TXNDC11: variants seen among roughly 807,000 people sequenced by gnomAD.
The protein encoded by TXNDC11 is thioredoxin domain-containing protein 11.
In TXNDC11, 68 loss-of-function variants were observed where a neutral mutation model predicts 78.0. The observed-to-expected ratio is 0.87, with a 90% CI of 0.72 to 1.07. TXNDC11 has a LOEUF of 1.07. Among genes scored for constraint, TXNDC11 ranks in the 50% least tolerant of loss-of-function variants. The pLI is 0.00. For synonymous variants in TXNDC11, 571 were observed against 495.2 expected (o/e 1.15, Z -2.03); for missense variants, 1,389 against 1,221.8 (o/e 1.14, Z -2.04).
intron 5 of TXNDC11, among the ~76,000 whole-genome samples, chr16:11,709,283 G>T (rs893330734): frequency 7.9e-6 from 1 of 126,950 alleles, no homozygotes; most frequent in African/African-American, 2.9e-5. Flanking sequence ...ACAGAGTCTC[G>T]CACTGTCGCC....
At chr16:11,736,782 T>C (rs1284665421) in intron 1 of TXNDC11, among the ~76,000 whole-genome samples, 2 of 152,206 alleles carry the variant, frequency 1.3e-5, no homozygotes, top group Admixed American at 6.5e-5. Context: ...TCCAGATATA[T>C]ATCATAATCC....
At chr16:11,716,405 T>C (rs1196887232) in intron 5 of TXNDC11, among the ~76,000 whole-genome samples, 3 of 152,256 alleles carry the variant, frequency 2.0e-5, no homozygotes, top group Non-Finnish European at 2.9e-5. Flanking sequence ...AATTTTCTTT[T>C]GGCAATAAAG....
chr16:11,732,707 C>G (rs1437985625), intron 3 of TXNDC11, among the ~76,000 whole-genome samples: 1 of 152,050 alleles, frequency 6.6e-6, no homozygotes, highest in South Asian at 2.1e-4. Flanking sequence ...TGTTTTTGCC[C>G]AAATACTACC....
intron 9 of TXNDC11, 43 bp from the exon 10 acceptor site, chr16:11,688,009 G>C: frequency 2.8e-6 from 4 of 1,409,422 alleles, no homozygotes; most frequent in Non-Finnish European, 4.0e-6. Context: ...CCGGGAAATG[G>C]GCTCTTCTTC....
At chr16:11,683,368 C>T (rs16958548) in intron 11 of TXNDC11, among the ~76,000 whole-genome samples, 2,923 of 152,246 alleles carry the variant, frequency 0.019, 100 homozygotes, top group African/African-American at 0.067. Context: ...GAGAAAACCC[C>T]TTTGTAGGCC....
intron 5 of TXNDC11, among the ~76,000 whole-genome samples, chr16:11,702,361 T>G (rs749290678): frequency 6.6e-6 from 1 of 152,150 alleles, no homozygotes; most frequent in African/African-American, 2.4e-5. Flanking sequence ...TAGCACATGC[T>G]AAATAAAACA....
intron 5 of TXNDC11, 31 bp from the exon 6 acceptor site, chr16:11,700,595 A>C: frequency 8.7e-7 from 1 of 1,154,588 alleles, no homozygotes; most frequent in Non-Finnish European, 1.3e-6. Context: ...TTATTAAAGA[A>C]AAGGCCTGTG....
rs1404701296 is a variant in TXNDC11 at position 11,684,122 on chromosome 16, A to G, written c.2234+43T>C. On this transcript the variant is annotated intron_variant, in intron 11 of 11. Transcript: ENST00000283033. ...CCCATTTCATTTTCAGACCTCCACA[A>G]AAGAATCCCAACTGCCCACCAGTGA... 44 of 1,379,678 alleles carry G rather than the reference A, an allele frequency of 3.2e-5. No homozygotes were observed. The Admixed American group carries it at 6.6e-4, about 21-fold the overall frequency. The allele number at this position is 1,379,678 out of a possible 1,614,324, so 85.5% of individuals were successfully genotyped here. A position where few individuals can be genotyped will look rare whatever the true frequency, so the allele number is the denominator to read the frequency against.
chr16:11,712,073 T>C (rs764538160), intron 5 of TXNDC11, among the ~76,000 whole-genome samples: 4 of 152,172 alleles, frequency 2.6e-5, no homozygotes, highest in Admixed American at 6.5e-5. Flanking sequence ...CTAGGAGTCT[T>C]ATCAACTTCC....
At chr16:11,721,812 G>T in intron 4 of TXNDC11, 142 bp from the exon 5 acceptor site, 1 of 507,038 alleles carries the variant, frequency 2.0e-6, no homozygotes, top group Non-Finnish European at 3.6e-6. Flanking sequence ...CTAAGCACAT[G>T]ATAAAAATTT....
intron 5 of TXNDC11, among the ~76,000 whole-genome samples, chr16:11,715,977 C>T (rs1035513420): frequency 1.3e-5 from 2 of 152,184 alleles, no homozygotes; most frequent in Admixed American, 6.5e-5. Flanking sequence ...TATTTCTTTA[C>T]TCGCTTTATT....
intron 4 of TXNDC11, among the ~76,000 whole-genome samples, chr16:11,724,718 C>T (rs2051822002): frequency 6.6e-6 from 1 of 152,150 alleles, no homozygotes; most frequent in African/African-American, 2.4e-5. Context: ...AGGGATTCCA[C>T]AACTGGAGTA....
At position 11,679,277 on chromosome 16, in the gene TXNDC11, T is replaced by TG. The variant is rs755780712; in HGVS notation, c.2794dup (p.Gln932ProfsTer19). 6.2e-7 allele frequency: 1 copy of TG among 1,612,940 alleles called. No homozygotes were observed. Among genetic ancestry groups the TG allele is most frequent in the Non-Finnish European group, 8.5e-7 (1 of 1,179,964 alleles). ...AGGTGGAGGGGAGCTGCCAGGGAGC[T>TG]GGGGGGTGGCTGAGGGCTCAGGCTG... On this transcript the variant is annotated frameshift_variant, in exon 12 of 12. Transcript: ENST00000283033. LOFTEE classifies it low-confidence loss of function (END_TRUNC). This position sits in a 1 kb window ranked among gnomAD's most constrained non-coding sequence, Gnocchi z 4.6.
chr16:11,734,122 C>T (rs1377647439), intron 2 of TXNDC11, 43 bp from the exon 3 acceptor site: 5 of 1,238,982 alleles, frequency 4.0e-6, no homozygotes, highest in East Asian at 2.4e-5. Flanking sequence ...TGAATAACAA[C>T]TGAAAAGTTA....
In TXNDC11 at chr16:11,684,205, C is replaced by T. The variant is rs748147480; in HGVS notation, c.2194G>A (p.Val732Ile). ...SQNDLPWEFM[V>I]DRLPTVLFFP... ...AACAAGACAGTAGGAAGACGATCGA[C>T]CATAAATTCCCAAGGAAGGTCATTC... Residue 732 changes from valine (V) to isoleucine (I), a missense_variant, in exon 11 of 12, where the codon GTC becomes ATC. Coordinates refer to ENST00000283033, the MANE Select transcript of TXNDC11 (RefSeq NM_015914.7). The T allele has an allele frequency of 3.1e-6, 5 of 1,613,756 alleles. No homozygotes were observed. The highest frequency in any genetic ancestry group is 4.2e-6 in the Non-Finnish European group (5 of 1,179,862).
intron 1 of TXNDC11, among the ~76,000 whole-genome samples, chr16:11,738,898 A>T (rs955918282): frequency 2.7e-4 from 41 of 152,244 alleles, no homozygotes; most frequent in Admixed American, 5.9e-4. Context: ...ATGGTGGTGC[A>T]CACCTGTAAT....
At chr16:11,713,004 T>C (rs1057119276) in intron 5 of TXNDC11, among the ~76,000 whole-genome samples, 3 of 150,596 alleles carry the variant, frequency 2.0e-5, no homozygotes, top group Non-Finnish European at 4.4e-5. Flanking sequence ...TCCCAGCTAC[T>C]TGGGAGGCAG....
At chr16:11,715,566 G>A (rs992835536) in intron 5 of TXNDC11, among the ~76,000 whole-genome samples, 2 of 152,086 alleles carry the variant, frequency 1.3e-5, no homozygotes, top group Non-Finnish European at 2.9e-5. Context: ...AGTGAGAGGG[G>A]ATCCAAAGTG....
chr16:11,692,072 A>T lies in TXNDC11; in HGVS notation c.1118T>A (p.Val373Glu), dbSNP rs1005137885. Residue 373 changes from valine (V) to glutamate (E), a missense_variant, in exon 8 of 12, where the codon GTG becomes GAG. Transcript: ENST00000283033. ...SHPLIDEITE[V>E]ALEYNNCHGD... Reference sequence around the variant, plus strand: ...ATGACAGTTGTTGTACTCCAAGGCCACTTCGGTGATCTGAAATACAGGGCA... The same window carrying T: ...ATGACAGTTGTTGTACTCCAAGGCCTCTTCGGTGATCTGAAATACAGGGCA... 2 of 1,522,828 alleles carry T rather than the reference A, an allele frequency of 1.3e-6. No homozygotes were observed. Among genetic ancestry groups the T allele is most frequent in the Non-Finnish European group, 1.8e-6 (2 of 1,136,386 alleles). The allele number at this position is 1,522,828 out of a possible 1,614,324, so 94.3% of individuals were successfully genotyped here.
Sources: gnomAD v4.1 joint callset for allele counts (sites outside exome capture counted in the v4.1 genomes callset) on GRCh38, gnomAD v4.1.1 for gene constraint, Gnocchi (gnomAD v3.1) non-coding constraint, MANE v1.5 for transcripts, NCBI Gene and HGNC (gene_info 2026-07-23, HGNC 2026-07-21) for gene names.